The following RPS6KA1 variants were observed in gnomAD, a reference collection of about 807,000 sequenced individuals.
RPS6KA1 encodes ribosomal protein S6 kinase A1, also known as ribosomal protein S6 kinase alpha-1.
A neutral mutation model predicts 91.3 loss-of-function variants in RPS6KA1; 48 were observed. The observed-to-expected ratio is 0.53, with a 90% CI of 0.42 to 0.67. The LOEUF is 0.67. Among genes scored for constraint, RPS6KA1 ranks in the 30% least tolerant of loss-of-function variants. The pLI is 0.00. For synonymous variants in RPS6KA1, 359 were observed against 384.7 expected (o/e 0.93, Z 0.78); for missense variants, 719 against 960.5 (o/e 0.75, Z 3.32).
At chr1:26,550,623 A>G (rs2076041496) in intron 4 of RPS6KA1, among the ~76,000 whole-genome samples, 1 of 152,222 alleles carries the variant, frequency 6.6e-6, no homozygotes, top group African/African-American at 2.4e-5. Context: ...CCGGCCCAAA[A>G]GCCTGTTCTA....
intron 6 of RPS6KA1, chr1:26,552,780 C>T (rs757024302): frequency 1.2e-4 from 42 of 342,052 alleles, no homozygotes; most frequent in South Asian, 3.8e-4. Flanking sequence ...TGTGAGCCAC[C>T]GTGCCCGGCT....
At chr1:26,543,838 C>T (rs552375063) in intron 2 of RPS6KA1, among the ~76,000 whole-genome samples, 1 of 152,300 alleles carries the variant, frequency 6.6e-6, no homozygotes, top group South Asian at 2.1e-4. Flanking sequence ...GCCTCAGTTT[C>T]CTATTCCTGG....
At chr1:26,543,115 A>G in intron 2 of RPS6KA1, 4 of 1,533,942 alleles carry the variant, frequency 2.6e-6, no homozygotes, top group Non-Finnish European at 3.5e-6. Flanking sequence ...AAAAAGCAGA[A>G]GTAGGAAGAG....
At position 26,561,105 on chromosome 1, in the gene RPS6KA1, C is replaced by G. The variant is rs1356088799; in HGVS notation, c.1402C>G (p.Gln468Glu). 6.2e-7 allele frequency: 1 copy of G among 1,614,074 alleles called. No individual in the cohort carries two copies. Among genetic ancestry groups the G allele is most frequent in the East Asian group, 2.2e-5 (1 of 44,878 alleles). Reference protein sequence around the residue: ...EEIEILLRYGQHPNIITLKDV... With the variant: ...EEIEILLRYGEHPNIITLKDV... ...GATTGAGATTCTTCTGCGGTATGGC[C>G]AGCACCCCAACATCATCACTCTGAA... Residue 468 changes from glutamine (Q) to glutamate (E), a missense_variant, in exon 16 of 22, where the codon CAG (glutamine) becomes GAG (glutamate). By Grantham distance (29) the Gln-to-Glu change is conservative. Coordinates refer to ENST00000374168, the MANE Select transcript of RPS6KA1 (RefSeq NM_002953.4). The surrounding 1 kb of genome is among the most constrained non-coding windows in gnomAD (Gnocchi z 5.7).
At chr1:26,544,709 C>T (rs4970485) in intron 2 of RPS6KA1, among the ~76,000 whole-genome samples, 33,266 of 151,822 alleles carry the variant, frequency 0.22, 4,401 homozygotes, top group East Asian at 0.64. Context: ...CTCCTAACCT[C>T]GTGATCCACC....
rs995863001 is a variant in RPS6KA1 at position 26,551,540 on chromosome 1, G to C, written c.388+63G>C. 7 of 1,603,554 alleles carry C rather than the reference G, an allele frequency of 4.4e-6. No homozygotes were observed. The African/African-American group carries it at 9.4e-5, about 21-fold the overall frequency. ...CATCCTTCGCCCTTGCCTGTGGTCT[G>C]TACACTGTCCCACCGCCTGCCTGGC... On this transcript the variant is annotated intron_variant, in intron 5 of 21. Coordinates refer to ENST00000374168, the MANE Select transcript of RPS6KA1 (RefSeq NM_002953.4). This position sits in a 1 kb window ranked among gnomAD's most constrained non-coding sequence, Gnocchi z 4.5.
At chr1:26,567,239 T>A (rs984000104) in intron 17 of RPS6KA1, among the ~76,000 whole-genome samples, 14 of 152,044 alleles carry the variant, frequency 9.2e-5, no homozygotes, top group African/African-American at 3.1e-4. Flanking sequence ...TTGCCCAGGC[T>A]GGCCTCAAAC....
chr1:26,554,810 G>T lies in RPS6KA1; in HGVS notation c.756+72G>T. 6.6e-7 allele frequency: 1 copy of T among 1,519,410 alleles called. No homozygotes were observed. The highest frequency in any genetic ancestry group is 1.3e-5 in the South Asian group (1 of 78,588). The allele number at this position is 1,519,410 out of a possible 1,614,324, so 94.1% of individuals were successfully genotyped here. A position where few individuals can be genotyped will look rare whatever the true frequency, so the allele number is the denominator to read the frequency against. ...TCAGTCTCCCTATCTGTACAGTGAG[G>T]GGGTTGATCATTTCTAGGGCTCTCC... is the stretch of plus-strand genomic sequence containing the variant. On this transcript the variant is annotated intron_variant, in intron 9 of 21. Transcript: ENST00000374168. This position sits in a 1 kb window ranked among gnomAD's most constrained non-coding sequence, Gnocchi z 4.6.
chr1:26,532,603 G>A (rs547778332), intron 1 of RPS6KA1, among the ~76,000 whole-genome samples: 5 of 152,306 alleles, frequency 3.3e-5, no homozygotes, highest in South Asian at 2.1e-4. Flanking sequence ...CTGGCACCTG[G>A]CCCCCAGCCT....
intron 17 of RPS6KA1, among the ~76,000 whole-genome samples, chr1:26,566,945 A>C (rs1483892105): frequency 1.4e-4 from 21 of 151,972 alleles, no homozygotes; most frequent in Admixed American, 1.4e-3. Flanking sequence ...TGCTGCTGCC[A>C]CTGCTGCTAA....
At chr1:26,541,815 G>A (rs536604947) in intron 2 of RPS6KA1, among the ~76,000 whole-genome samples, 7 of 152,344 alleles carry the variant, frequency 4.6e-5, no homozygotes, top group African/African-American at 7.2e-5. Context: ...TTTGGTGTCC[G>A]TTAGGGCCAG....
chr1:26,562,701 A>G (rs2076163455), intron 17 of RPS6KA1, among the ~76,000 whole-genome samples: 1 of 152,102 alleles, frequency 6.6e-6, no homozygotes, highest in African/African-American at 2.4e-5. Context: ...ATCTGATCAG[A>G]CAACATGGGG....
chr1:26,549,016 G>A (rs538195342), intron 4 of RPS6KA1, among the ~76,000 whole-genome samples: 22 of 151,082 alleles, frequency 1.5e-4, no homozygotes, highest in Admixed American at 6.0e-4. Context: ...ACAAGACTCC[G>A]GAAAGACATG....
At chr1:26,545,759 C>A in intron 2 of RPS6KA1, 1 of 1,222,872 alleles carries the variant, frequency 8.2e-7, no homozygotes, top group Non-Finnish European at 1.1e-6. Context: ...TGCTGGGAAA[C>A]CACAGGCCCT....
In RPS6KA1 at chr1:26,549,690, CTTTTTTT is replaced by C. The variant is rs561375723; in HGVS notation, c.308-1691_308-1685del. 2.9e-5 allele frequency among the ~76,000 whole-genome samples: 3 copies of C among 101,934 alleles called. No homozygotes were observed. The East Asian group carries it at 9.7e-4, about 33-fold the overall frequency. 66.9% of individuals were successfully genotyped at this position (101,934 alleles called of 152,430 possible). A position where few individuals can be genotyped will look rare whatever the true frequency, so the allele number is the denominator to read the frequency against. On this transcript the variant is annotated intron_variant, in intron 4 of 21. Coordinates refer to ENST00000374168, the MANE Select transcript of RPS6KA1 (RefSeq NM_002953.4). ...AGGCAGCCATGTCCAAAAGCCTGTT[CTTTTTTT>C]TTTTTTTTTTTTTTTCTTTCCCGAG...
chr1:26,545,835 G>C, intron 2 of RPS6KA1: 1 of 1,473,920 alleles, frequency 6.8e-7, no homozygotes, highest in South Asian at 1.3e-5. Context: ...CCTTGGTCCC[G>C]GCCACCACTG....
At chr1:26,552,730 G>A (rs140879798) in intron 6 of RPS6KA1, 7,679 of 245,670 alleles carry the variant, frequency 0.031, 590 homozygotes, top group African/African-American at 0.17. Context: ...CGGGTGATCC[G>A]CCTGCCTCAG....
chr1:26,529,817 C>CG lies in RPS6KA1; in HGVS notation c.-97dup, dbSNP rs956771909. 115 of 860,520 alleles carry CG rather than the reference C, an allele frequency of 1.3e-4. No homozygotes were observed. The highest frequency in any genetic ancestry group is 8.7e-4 in the Middle Eastern group (2 of 2,308). The allele number at this position is 860,520 out of a possible 1,614,324, so 53.3% of individuals were successfully genotyped here. On this transcript the variant is annotated 5_prime_UTR_variant, in exon 1 of 22. Coordinates refer to ENST00000374168, the MANE Select transcript of RPS6KA1 (RefSeq NM_002953.4). The surrounding 1 kb of genome is among the most constrained non-coding windows in gnomAD (Gnocchi z 4.2). ...CGGCCCAGCCGGAGCGCGAGGGGCT[C>CG]GGGGGGGCGCGGCGGTTCGGGTCGC...
At chr1:26,530,061 C>T in intron 1 of RPS6KA1, 78 bp downstream of exon 1, 1 of 1,040,384 alleles carries the variant, frequency 9.6e-7, no homozygotes, top group Non-Finnish European at 1.2e-6. Context: ...GCCCGAAGCG[C>T]CGCTGCAGTC....
Sources: allele counts gnomAD v4.1 joint callset (sites outside exome capture counted in the v4.1 genomes callset), GRCh38; gene constraint gnomAD v4.1.1; non-coding constraint Gnocchi (gnomAD v3.1); transcripts MANE v1.5; gene names NCBI Gene and HGNC (gene_info 2026-07-23, HGNC 2026-07-21).